Variants in DENND1B observed in about 807,000 individuals in gnomAD.
DENND1B encodes DENN domain containing 1B, also known as DENN domain-containing protein 1B.
A neutral mutation model predicts 90.1 loss-of-function variants in DENND1B; 59 were observed. The observed-to-expected ratio is 0.65, with a 90% CI of 0.53 to 0.81. The LOEUF is 0.81. Ranked by LOEUF, DENND1B falls within the 40% of genes least tolerant of loss-of-function variation. DENND1B has a pLI of 0.00. For synonymous variants in DENND1B, 337 were observed against 324.6 expected (o/e 1.04, Z -0.41); for missense variants, 862 against 912.6 (o/e 0.94, Z 0.71).
At chr1:197,610,714 T>C (rs1242481550) in intron 12 of DENND1B, among the ~76,000 whole-genome samples, 1 of 150,874 alleles carries the variant, frequency 6.6e-6, no homozygotes, top group Non-Finnish European at 1.5e-5. Context: ...TACCTACTCA[T>C]TCATATTTTA....
At chr1:197,660,298 A>C (rs1033085265) in intron 5 of DENND1B, among the ~76,000 whole-genome samples, 1 of 152,024 alleles carries the variant, frequency 6.6e-6, no homozygotes, top group African/African-American at 2.4e-5. Flanking sequence ...ACAAACCTGC[A>C]TGTTCTGCAC....
At position 197,734,341 on chromosome 1, in the gene DENND1B, C is replaced by A. The variant is rs534995194; in HGVS notation, c.83-19267G>T. The A allele has an allele frequency of 3.1e-6, 3 of 966,964 alleles. No homozygotes were observed. The East Asian group carries it at 3.4e-4, about 111-fold the overall frequency. 59.9% of individuals were successfully genotyped at this position (966,964 alleles called of 1,614,324 possible). Reference sequence around the variant, plus strand: ...CATATGATGGTAGTGAAAGATAATTCTCTCAAGTATATTAAGTTATGGTTG... The same window carrying A: ...CATATGATGGTAGTGAAAGATAATTATCTCAAGTATATTAAGTTATGGTTG... On this transcript the variant is annotated intron_variant, in intron 2 of 22. Coordinates refer to ENST00000620048, the MANE Select transcript of DENND1B (RefSeq NM_001195215.2).
At chr1:197,768,950 T>G (rs1656067117) in intron 2 of DENND1B, among the ~76,000 whole-genome samples, 1 of 152,186 alleles carries the variant, frequency 6.6e-6, no homozygotes, top group South Asian at 2.1e-4. Flanking sequence ...AGAGGAGCTT[T>G]ATCAAGTTAT....
chr1:197,749,090 C>T (rs1310183930), intron 2 of DENND1B, among the ~76,000 whole-genome samples: 3 of 151,858 alleles, frequency 2.0e-5, no homozygotes, highest in Non-Finnish European at 4.4e-5. Context: ...TGAAACTGTA[C>T]AAACCGAGAC....
intron 20 of DENND1B, among the ~76,000 whole-genome samples, chr1:197,522,253 TA>T (rs1312137717): frequency 6.6e-6 from 1 of 152,106 alleles, no homozygotes; most frequent in Non-Finnish European, 1.5e-5. Flanking sequence ...ACTGGAAGAT[TA>T]TCAAGATACG....
At chr1:197,591,704 T>C (rs1675219530) in intron 14 of DENND1B, among the ~76,000 whole-genome samples, 1 of 152,206 alleles carries the variant, frequency 6.6e-6, no homozygotes, top group Non-Finnish European at 1.5e-5. Flanking sequence ...CCTGTTTCCA[T>C]TAAGAAAATT....
intron 3 of DENND1B, 58 bp downstream of exon 3, chr1:197,714,973 G>A: frequency 1.2e-5 from 15 of 1,271,450 alleles, no homozygotes; most frequent in Non-Finnish European, 1.7e-5. Flanking sequence ...AGCAGTAATA[G>A]TAGCAACAAT....
At chr1:197,724,683 C>CAG (rs1191800361) in intron 2 of DENND1B, among the ~76,000 whole-genome samples, 3 of 152,114 alleles carry the variant, frequency 2.0e-5, no homozygotes, top group Non-Finnish European at 4.4e-5. Flanking sequence ...TCCTCCCACA[C>CAG]AGGCTTCAGA....
chr1:197,664,199 T>C (rs1654709733), intron 5 of DENND1B, among the ~76,000 whole-genome samples: 1 of 152,052 alleles, frequency 6.6e-6, no homozygotes, highest in Non-Finnish European at 1.5e-5. Flanking sequence ...AAAATGTTTT[T>C]CACTAAATTT....
chr1:197,637,466 A>C (rs192438066), intron 10 of DENND1B, among the ~76,000 whole-genome samples: 1 of 152,330 alleles, frequency 6.6e-6, no homozygotes, highest in African/African-American at 2.4e-5. Context: ...GTTTATTTTC[A>C]TGAAAAACAG....
At chr1:197,705,370 G>A (rs1659423557) in intron 3 of DENND1B, among the ~76,000 whole-genome samples, 1 of 152,042 alleles carries the variant, frequency 6.6e-6, no homozygotes, top group South Asian at 2.1e-4. Context: ...CCTTCAAGAA[G>A]GCTATAAGAA....
chr1:197,508,607 A>G lies in DENND1B; in HGVS notation c.*1853T>C, dbSNP rs1008193284. The G allele has an allele frequency of 4.0e-5, 6 of 151,758 alleles. No individual in the cohort carries two copies. Among genetic ancestry groups the G allele is most frequent in the African/African-American group, 1.2e-4 (5 of 41,394 alleles). The allele number at this position is 151,758 out of a possible 1,614,324, so 9.4% of individuals were successfully genotyped here. A position where few individuals can be genotyped will look rare whatever the true frequency, so the allele number is the denominator to read the frequency against. The stretch of plus-strand genomic sequence containing the variant: ...TGGTCATTTTCTTTAAATTATTTCA[A>G]ACCCTCTTCTAGGATTTTAGCTGAA... On this transcript the variant is annotated 3_prime_UTR_variant, in exon 23 of 23. Coordinates refer to ENST00000620048, the MANE Select transcript of DENND1B (RefSeq NM_001195215.2).
At chr1:197,742,599 T>C (rs1663319921) in intron 2 of DENND1B, among the ~76,000 whole-genome samples, 1 of 152,150 alleles carries the variant, frequency 6.6e-6, no homozygotes, top group African/African-American at 2.4e-5. Flanking sequence ...TTTTTAAAAG[T>C]TGAGCAACAG....
intron 11 of DENND1B, among the ~76,000 whole-genome samples, chr1:197,615,415 A>G (rs574945405): frequency 1.3e-5 from 2 of 151,174 alleles, no homozygotes; most frequent in African/African-American, 4.8e-5. Context: ...GCAAAAACAG[A>G]AATACTTTAT....
intron 2 of DENND1B, among the ~76,000 whole-genome samples, chr1:197,740,580 G>A (rs1209205448): frequency 6.6e-6 from 1 of 152,138 alleles, no homozygotes; most frequent in Admixed American, 6.5e-5. Flanking sequence ...TGAAATCCTT[G>A]CTTCAGTGAG....
chr1:197,545,564 C>CT (rs71286566), intron 18 of DENND1B: 29,103 of 183,868 alleles, frequency 0.16, 2,155 homozygotes, highest in Non-Finnish European at 0.19. Context: ...CTATATTTTT[C>CT]TTTTTTTTTT....
At chr1:197,778,979 C>T (rs999622629), upstream of DENND1B, among the ~76,000 whole-genome samples, 3 of 152,082 alleles carry the variant, frequency 2.0e-5, no homozygotes, top group African/African-American at 7.2e-5. Context: ...ACCTCTAAAA[C>T]CCCCTCAAAA....
At chr1:197,679,332 A>G in intron 3 of DENND1B, among the ~76,000 whole-genome samples, 1 of 151,320 alleles carries the variant, frequency 6.6e-6, no homozygotes. Context: ...TGCAGATTCA[A>G]CCAACTGTGG....
intron 3 of DENND1B, chr1:197,690,609 G>T: frequency 4.1e-6 from 1 of 246,628 alleles, no homozygotes. Flanking sequence ...CAGCAAGTCT[G>T]CCTGGAAAGT....
Sources: gnomAD v4.1 joint callset for allele counts (sites outside exome capture counted in the v4.1 genomes callset) on GRCh38, gnomAD v4.1.1 for gene constraint, MANE v1.5 for transcripts, NCBI Gene and HGNC (gene_info 2026-07-23, HGNC 2026-07-21) for gene names.